Variants in ERC1 observed in about 807,000 individuals in gnomAD.
The protein encoded by ERC1 is ELKS/RAB6-interacting/CAST family member 1, also known as RAB6 interacting protein 2.
In ERC1, 56 loss-of-function variants were observed where a neutral mutation model predicts 132.0. The observed-to-expected ratio is 0.42, with a 90% CI of 0.34 to 0.53. ERC1 has a LOEUF of 0.53. Among genes scored for constraint, ERC1 ranks in the 20% least tolerant of loss-of-function variants. The pLI, the probability that ERC1 is intolerant of heterozygous loss-of-function variation, is 0.03. For missense variants in ERC1, 1,202 were observed against 1,349.9 expected, an observed-to-expected ratio of 0.89 and a Z score of 1.72; for synonymous variants, 478 against 476.1, an observed-to-expected ratio of 1.00 and a Z score of -0.05.
intron 8 of ERC1, among the ~76,000 whole-genome samples, chr12:1,168,926 G>T (rs1041617886): frequency 5.3e-5 from 8 of 152,140 alleles, no homozygotes; most frequent in African/African-American, 1.9e-4. Context: ...GTTCATTTGT[G>T]TGAACTGAGA....
intron 18 of ERC1, among the ~76,000 whole-genome samples, chr12:1,483,346 G>A (rs936481916): frequency 6.6e-6 from 1 of 152,076 alleles, no homozygotes; most frequent in Non-Finnish European, 1.5e-5. Flanking sequence ...TGTTGAGACC[G>A]GCTTCTTTCA....
intron 8 of ERC1, among the ~76,000 whole-genome samples, chr12:1,143,282 C>T (rs1388707514): frequency 1.3e-5 from 2 of 151,832 alleles, no homozygotes; most frequent in Admixed American, 1.3e-4. Flanking sequence ...ATCTTCCCAT[C>T]TCAGCCTCCC....
At chr12:1,145,761 A>G (rs534227488) in intron 8 of ERC1, among the ~76,000 whole-genome samples, 1 of 152,286 alleles carries the variant, frequency 6.6e-6, no homozygotes, top group South Asian at 2.1e-4. Context: ...AAGGTGAGAG[A>G]TGAAGATCCG....
At chr12:1,319,188 G>A (rs561712756) in intron 15 of ERC1, among the ~76,000 whole-genome samples, 3 of 152,168 alleles carry the variant, frequency 2.0e-5, no homozygotes, top group Admixed American at 1.3e-4. Flanking sequence ...TCAAGTCAGC[G>A]TCAGTTTTAT....
chr12:1,484,892 T>C (rs2094178091), intron 18 of ERC1, among the ~76,000 whole-genome samples: 2 of 51,004 alleles, frequency 3.9e-5, no homozygotes, highest in Non-Finnish European at 9.3e-5. Flanking sequence ...CTTGTTTTTC[T>C]TTTTTTGAGA....
intron 16 of ERC1, among the ~76,000 whole-genome samples, chr12:1,384,821 A>G (rs963948664): frequency 3.3e-5 from 5 of 152,196 alleles, no homozygotes; most frequent in Non-Finnish European, 5.9e-5. Context: ...TTGTTCCTGA[A>G]TGGAGCATTT....
At chr12:1,299,450 C>G (rs2080224833) in intron 15 of ERC1, among the ~76,000 whole-genome samples, 1 of 152,124 alleles carries the variant, frequency 6.6e-6, no homozygotes, top group African/African-American at 2.4e-5. Context: ...TCGTTTTGAA[C>G]TGAATGAAAA....
chr12:1,410,118 G>A (rs892553310), intron 17 of ERC1, among the ~76,000 whole-genome samples: 4 of 152,050 alleles, frequency 2.6e-5, no homozygotes, highest in Admixed American at 2.0e-4. Context: ...TCAATGCATT[G>A]TTATTTTTTA....
chr12:1,195,557 A>G (rs1956140444), intron 12 of ERC1, among the ~76,000 whole-genome samples: 1 of 152,200 alleles, frequency 6.6e-6, no homozygotes. Context: ...GCTTCTGGGA[A>G]TGATTTTCTT....
chr12:1,404,736 T>A (rs1424556002), intron 16 of ERC1, among the ~76,000 whole-genome samples: 1 of 152,192 alleles, frequency 6.6e-6, no homozygotes. Flanking sequence ...CTCAGGCCTT[T>A]TTTACAGGGA....
chr12:1,388,282 G>T (rs188638929), intron 16 of ERC1, among the ~76,000 whole-genome samples: 83 of 150,632 alleles, frequency 5.5e-4, no homozygotes, highest in African/African-American at 2.0e-3. Flanking sequence ...CCCGGGAGGC[G>T]GAGCTTGCAG....
chr12:1,287,375 T>C (rs2079105182), intron 14 of ERC1, among the ~76,000 whole-genome samples: 1 of 152,238 alleles, frequency 6.6e-6, no homozygotes. Flanking sequence ...GTTAACTTTA[T>C]ATGTTGACTT....
intron 16 of ERC1, among the ~76,000 whole-genome samples, chr12:1,400,566 C>G (rs7969569): frequency 0.52 from 79,233 of 151,930 alleles, 23,893 homozygotes; most frequent in African/African-American, 0.84. Context: ...TTCCATTTAG[C>G]TCTTTGGCCC....
chr12:1,053,272 G>A (rs941070667), intron 2 of ERC1, among the ~76,000 whole-genome samples: 1 of 152,170 alleles, frequency 6.6e-6, no homozygotes, highest in Admixed American at 6.5e-5. Context: ...TTTACATTCA[G>A]GACTGTCAAC....
At chr12:1,273,337 T>G (rs2078013779) in intron 14 of ERC1, among the ~76,000 whole-genome samples, 1 of 152,202 alleles carries the variant, frequency 6.6e-6, no homozygotes, top group African/African-American at 2.4e-5. Flanking sequence ...ATCTTCTTAG[T>G]AGCAATGCTC....
At chr12:1,418,833 C>CAGT (rs1253489699) in intron 17 of ERC1, among the ~76,000 whole-genome samples, 1 of 151,772 alleles carries the variant, frequency 6.6e-6, no homozygotes, top group Non-Finnish European at 1.5e-5. Context: ...TTGCCTCAGA[C>CAGT]ACCTGAGTAG....
chr12:1,118,321 A>G (rs1946680417), intron 7 of ERC1, among the ~76,000 whole-genome samples: 1 of 152,176 alleles, frequency 6.6e-6, no homozygotes, highest in Non-Finnish European at 1.5e-5. Context: ...CTAATAAATG[A>G]CTTTTCCCCC....
intron 15 of ERC1, among the ~76,000 whole-genome samples, chr12:1,300,086 CA>C (rs1317479684): frequency 3.9e-5 from 6 of 152,038 alleles, no homozygotes; most frequent in African/African-American, 1.4e-4. Context: ...CTACAGTAAC[CA>C]AAACAGCATG....
chr12:1,169,195 T>C (rs1205845084), intron 8 of ERC1, among the ~76,000 whole-genome samples: 1 of 151,652 alleles, frequency 6.6e-6, no homozygotes, highest in Admixed American at 6.6e-5. Flanking sequence ...GTATGGTGGA[T>C]GCTGCGATGA....
Sources: gnomAD v4.1 joint callset for allele counts (sites outside exome capture counted in the v4.1 genomes callset) on GRCh38, gnomAD v4.1.1 for gene constraint, MANE v1.5 for transcripts, NCBI Gene and HGNC (gene_info 2026-07-23, HGNC 2026-07-21) for gene names.